Variants in TRPM3 observed in about 807,000 individuals in gnomAD.
TRPM3 encodes the protein long transient receptor potential channel 3.
Under a neutral mutation model 181.2 loss-of-function variants are expected in TRPM3, and 77 were observed. The ratio of observed to expected loss-of-function variants is 0.42; its 90% CI spans 0.35 to 0.51. The LOEUF is 0.51. Ranked by LOEUF, TRPM3 falls within the 20% of genes least tolerant of loss-of-function variation. The pLI is 0.01. For missense variants in TRPM3, 1,759 were observed against 2,196.7 expected, an observed-to-expected ratio of 0.80 and a Z score of 3.98; for synonymous variants, 745 against 796.4, an observed-to-expected ratio of 0.94 and a Z score of 1.09.
chr9:71,313,110 C>CG (rs1409087676), intron 1 of TRPM3, among the ~76,000 whole-genome samples: 35 of 152,168 alleles, frequency 2.3e-4, no homozygotes, highest in Admixed American at 2.1e-3. Flanking sequence ...CCTCCTCTGG[C>CG]GCAGGTGGTT....
At position 71,236,970 on chromosome 9, in the gene TRPM3, C is replaced by T. The variant is rs373587659; in HGVS notation, c.183+209683G>A. 1.8e-4 allele frequency among the ~76,000 whole-genome samples: 25 copies of T among 138,930 alleles called. No homozygotes were observed. In the East Asian group the frequency reaches 2.7e-3, roughly 15 times the overall value. 91.1% of individuals were successfully genotyped at this position (138,930 alleles called of 152,430 possible). ...GCTGAGGCATAAGAATCGCTTGAAC[C>T]TGGGAGGCGGAGGCTGCAGTGAGCC... On this transcript the variant is annotated intron_variant, in intron 1 of 24. Coordinates refer to the TRPM3 transcript ENST00000357533.
intron 1 of TRPM3, among the ~76,000 whole-genome samples, chr9:71,361,218 C>A (rs1471309998): frequency 6.6e-6 from 1 of 152,122 alleles, no homozygotes; most frequent in African/African-American, 2.4e-5. Flanking sequence ...AACTCCTGAC[C>A]TCAGGTGATC....
chr9:70,854,034 ATGTGCCGAC>A (rs2095317134), intron 3 of TRPM3, among the ~76,000 whole-genome samples: 1 of 152,320 alleles, frequency 6.6e-6, no homozygotes, highest in East Asian at 1.9e-4. Context: ...CAGTTAACTC[ATGTGCCGAC>A]TCAGCAGCTC....
intron 1 of TRPM3, among the ~76,000 whole-genome samples, chr9:71,001,105 T>C (rs2097594561): frequency 6.6e-6 from 1 of 152,204 alleles, no homozygotes; most frequent in African/African-American, 2.4e-5. Flanking sequence ...CAAGTGGTAG[T>C]TCATGGGTGG....
At chr9:70,907,606 G>A (rs757554925) in intron 1 of TRPM3, among the ~76,000 whole-genome samples, 4 of 152,170 alleles carry the variant, frequency 2.6e-5, no homozygotes, top group South Asian at 4.1e-4. Context: ...TTACATGGGT[G>A]TGTTGCATGA....
At chr9:70,839,941 C>T (rs1006000641) in intron 5 of TRPM3, among the ~76,000 whole-genome samples, 2 of 152,122 alleles carry the variant, frequency 1.3e-5, no homozygotes, top group Non-Finnish European at 2.9e-5. Context: ...GATGGCAGTA[C>T]ATTAAGCTAG....
At chr9:71,111,220 C>G (rs1001277506) in intron 1 of TRPM3, among the ~76,000 whole-genome samples, 2 of 152,108 alleles carry the variant, frequency 1.3e-5, no homozygotes, top group Non-Finnish European at 2.9e-5. Flanking sequence ...GTTAATTTCC[C>G]AAATGTAAGC....
intron 1 of TRPM3, among the ~76,000 whole-genome samples, chr9:71,143,346 C>G (rs908315327): frequency 6.6e-6 from 1 of 152,094 alleles, no homozygotes; most frequent in Non-Finnish European, 1.5e-5. Flanking sequence ...TCCCACTCCC[C>G]ACTCTCTGAA....
intron 1 of TRPM3, among the ~76,000 whole-genome samples, chr9:71,119,098 GCTTT>G (rs1417281635): frequency 6.6e-6 from 1 of 152,098 alleles, no homozygotes; most frequent in South Asian, 2.1e-4. Flanking sequence ...AAGCAGCTTT[GCTTT>G]CTTTCTAAGT....
intron 6 of TRPM3, chr9:70,824,954 C>G (rs1275287082): frequency 6.6e-6 from 1 of 152,200 alleles, no homozygotes; most frequent in South Asian, 2.1e-4. Context: ...ATGGAGACCT[C>G]AAAGGTCCTG....
rs73468158 is a variant in TRPM3, at chr9:70,968,191, A to C, written c.178-103680T>G. 3.9e-5 allele frequency among the ~76,000 whole-genome samples: 6 copies of C among 152,148 alleles called. No individual in the cohort carries two copies. The East Asian group carries it at 1.2e-3, about 29-fold the overall frequency. ...TACTATGCAACCCTCATTGAGCCAT[A>C]TAATAGGTATACAATGTGCTTATAT... On this transcript the variant is annotated intron_variant, in intron 1 of 25. Transcript: ENST00000677713.
chr9:71,377,277 GC>G (rs1263454688), intron 1 of TRPM3, among the ~76,000 whole-genome samples: 1 of 151,934 alleles, frequency 6.6e-6, no homozygotes, highest in Non-Finnish European at 1.5e-5. Context: ...GACTTTAAAA[GC>G]CCTCTAAGAA....
chr9:70,897,458 T>C (rs2096294628), intron 1 of TRPM3, among the ~76,000 whole-genome samples: 1 of 151,600 alleles, frequency 6.6e-6, no homozygotes, highest in African/African-American at 2.4e-5. Context: ...CTGTGAAAAC[T>C]GAGATGTATA....
chr9:70,906,416 T>C (rs1439498931), intron 1 of TRPM3, among the ~76,000 whole-genome samples: 1 of 152,142 alleles, frequency 6.6e-6, no homozygotes, highest in Non-Finnish European at 1.5e-5. Flanking sequence ...AGGGCCGAAA[T>C]CAAAGGCAGA....
intron 5 of TRPM3, among the ~76,000 whole-genome samples, chr9:70,836,948 C>T (rs993664675): frequency 6.6e-6 from 1 of 152,212 alleles, no homozygotes; most frequent in Non-Finnish European, 1.5e-5. Context: ...CATCACTGTT[C>T]TCACTAGAAC....
In TRPM3 at chr9:70,587,140, C is replaced by T. The variant is rs149622997; in HGVS notation, c.3223+3891G>A. On this transcript the variant is annotated intron_variant, in intron 22 of 25. Coordinates refer to ENST00000677713, the MANE Select transcript of TRPM3 (RefSeq NM_001366145.2). ...CCTAGGCAGTAAGAAAAAAAAGTAA[C>T]CCAGGCATTAAGTAGATTGGATAGC... 2.8e-3 allele frequency among the ~76,000 whole-genome samples: 430 copies of T among 152,080 alleles called. 2 individuals carry two copies. Among genetic ancestry groups the T allele is most frequent in the South Asian group, 7.9e-3 (38 of 4,808 alleles).
chr9:70,551,180 T>A (rs958147652), intron 24 of TRPM3, among the ~76,000 whole-genome samples: 18 of 152,194 alleles, frequency 1.2e-4, no homozygotes, highest in Admixed American at 6.5e-5. Context: ...AATTGTACAT[T>A]TCAGTGTTTT....
intron 1 of TRPM3, among the ~76,000 whole-genome samples, chr9:71,181,190 C>T (rs1440475759): frequency 6.6e-6 from 1 of 152,062 alleles, no homozygotes; most frequent in East Asian, 1.9e-4. Context: ...ACTCACTCGC[C>T]ATTTGAACTG....
intron 1 of TRPM3, among the ~76,000 whole-genome samples, chr9:71,168,614 T>A (rs1464515283): frequency 1.5e-4 from 19 of 126,042 alleles, no homozygotes; most frequent in East Asian, 5.1e-4. Context: ...TATTTATTTT[T>A]TTATTATTAT....
Sources: allele counts gnomAD v4.1 joint callset (sites outside exome capture counted in the v4.1 genomes callset), GRCh38; gene constraint gnomAD v4.1.1; transcripts MANE v1.5; gene names NCBI Gene and HGNC (gene_info 2026-07-23, HGNC 2026-07-21).